TTC7B: variants seen among roughly 807,000 people sequenced by gnomAD.
The protein encoded by TTC7B is tetratricopeptide repeat domain 7B.
Under a neutral mutation model 106.8 loss-of-function variants are expected in TTC7B, and 28 were observed. The ratio of observed to expected loss-of-function variants is 0.26; its 90% CI spans 0.19 to 0.36. The LOEUF (loss-of-function observed/expected upper bound fraction) is 0.36, where lower values mean the gene tolerates loss of function less well. TTC7B is among the 10% of genes least tolerant of loss of function. The probability of loss-of-function intolerance (pLI) is 1.00; values close to 1 mark genes in which losing one functional copy is unlikely to be tolerated. For synonymous variants in TTC7B, 405 were observed against 430.6 expected (o/e 0.94, Z 0.74); for missense variants, 862 against 1,076.4 (o/e 0.80, Z 2.79).
chr14:90,562,175 G>A (rs539279500), intron 19 of TTC7B, among the ~76,000 whole-genome samples: 42 of 152,124 alleles, frequency 2.8e-4, no homozygotes, highest in Non-Finnish European at 4.4e-4. Context: ...GAAAAACCCC[G>A]GTCAGCCCAC....
intron 1 of TTC7B, among the ~76,000 whole-genome samples, chr14:90,815,212 G>A (rs1341417510): frequency 1.3e-5 from 2 of 152,204 alleles, no homozygotes; most frequent in African/African-American, 4.8e-5. Context: ...TGGCCACGGT[G>A]TGCTGGTGCC....
chr14:90,609,673 A>G (rs1244679265), intron 17 of TTC7B, among the ~76,000 whole-genome samples: 1 of 152,198 alleles, frequency 6.6e-6, no homozygotes, highest in African/African-American at 2.4e-5. Context: ...CCAGATAGAA[A>G]TTCAGTTGTA....
At position 90,635,741 on chromosome 14, in the gene TTC7B, CA is replaced by C. The variant is rs550163984; in HGVS notation, c.1751+8306del. ...CGCCACTGCACTCCAGCCTGGGCGA[CA>C]GAGTCAGACTCTGTCTCAAAAAAAA... On this transcript the variant is annotated intron_variant, in intron 15 of 19. Transcript: ENST00000328459. 1.9e-3 allele frequency among the ~76,000 whole-genome samples: 252 copies of C among 132,658 alleles called. 2 individuals are homozygous for C. Among genetic ancestry groups the C allele is most frequent in the African/African-American group, 6.6e-3 (234 of 35,544 alleles). 87.0% of individuals were successfully genotyped at this position (132,658 alleles called of 152,430 possible). A position where few individuals can be genotyped will look rare whatever the true frequency, so the allele number is the denominator to read the frequency against.
chr14:90,630,510 A>C (rs1333870810), intron 15 of TTC7B, among the ~76,000 whole-genome samples: 1 of 152,232 alleles, frequency 6.6e-6, no homozygotes, highest in Admixed American at 6.5e-5. Context: ...AAAATTTGCT[A>C]ATGAGCTATT....
chr14:90,719,660 G>C (rs1301062457), intron 5 of TTC7B, among the ~76,000 whole-genome samples: 1 of 152,184 alleles, frequency 6.6e-6, no homozygotes, highest in Non-Finnish European at 1.5e-5. Flanking sequence ...AGGGACTGCT[G>C]GGAGAACTCA....
chr14:90,722,390 A>C (rs754128257), intron 5 of TTC7B, among the ~76,000 whole-genome samples: 1 of 152,152 alleles, frequency 6.6e-6, no homozygotes, highest in Non-Finnish European at 1.5e-5. Flanking sequence ...TGGTGGCACT[A>C]GATTCCTGGT....
chr14:90,722,493 C>T (rs117224649), intron 5 of TTC7B, among the ~76,000 whole-genome samples: 331 of 152,296 alleles, frequency 2.2e-3, no homozygotes, highest in Admixed American at 5.8e-3. Flanking sequence ...ATTCCCTATT[C>T]CTTAGCCTGC....
chr14:90,596,962 C>T (rs1283918806), intron 17 of TTC7B, among the ~76,000 whole-genome samples: 1 of 152,152 alleles, frequency 6.6e-6, no homozygotes, highest in Non-Finnish European at 1.5e-5. Flanking sequence ...GAACATTCAC[C>T]CACTCAAAGG....
At chr14:90,543,276 T>C (rs1889680882) in intron 19 of TTC7B, among the ~76,000 whole-genome samples, 1 of 152,256 alleles carries the variant, frequency 6.6e-6, no homozygotes, top group Non-Finnish European at 1.5e-5. Flanking sequence ...CTGACACATG[T>C]TCAATTCCAT....
At chr14:90,765,900 A>C (rs1595358760) in intron 3 of TTC7B, among the ~76,000 whole-genome samples, 2 of 152,152 alleles carry the variant, frequency 1.3e-5, no homozygotes, top group African/African-American at 4.8e-5. Context: ...CACCAACAGA[A>C]GTGACATCCA....
intron 3 of TTC7B, among the ~76,000 whole-genome samples, chr14:90,764,505 A>T (rs1890608928): frequency 6.6e-6 from 1 of 152,174 alleles, no homozygotes; most frequent in Admixed American, 6.5e-5. Flanking sequence ...AAAGGACATC[A>T]CTTAGAAAGT....
chr14:90,794,420 G>A (rs561855785), intron 1 of TTC7B, among the ~76,000 whole-genome samples: 14 of 151,578 alleles, frequency 9.2e-5, no homozygotes, highest in African/African-American at 3.1e-4. Flanking sequence ...TAGAGATGGC[G>A]TTTCACCATG....
At chr14:90,792,659 T>C (rs538597789) in intron 1 of TTC7B, among the ~76,000 whole-genome samples, 1 of 152,154 alleles carries the variant, frequency 6.6e-6, no homozygotes, top group South Asian at 2.1e-4. Flanking sequence ...TTCCTCAGAA[T>C]TAGGAGACAC....
intron 3 of TTC7B, among the ~76,000 whole-genome samples, chr14:90,779,515 G>A (rs991615697): frequency 2.6e-5 from 4 of 152,170 alleles, no homozygotes; most frequent in Non-Finnish European, 5.9e-5. Flanking sequence ...ATGTTGGCCA[G>A]GCTGGTCTCG....
At chr14:90,593,165 C>T (rs1326288389) in intron 18 of TTC7B, among the ~76,000 whole-genome samples, 1 of 152,234 alleles carries the variant, frequency 6.6e-6, no homozygotes, top group Non-Finnish European at 1.5e-5. Context: ...CTCACAAAGA[C>T]AGTCTCTACA....
chr14:90,702,379 C>T (rs934294988), intron 5 of TTC7B, among the ~76,000 whole-genome samples: 1 of 152,132 alleles, frequency 6.6e-6, no homozygotes, highest in Non-Finnish European at 1.5e-5. Context: ...ACTGTACCCA[C>T]CTCACTGTCG....
At chr14:90,730,291 C>T in intron 4 of TTC7B, 95 bp from the exon 5 acceptor site, 24 of 1,437,342 alleles carry the variant, frequency 1.7e-5, no homozygotes, top group Non-Finnish European at 2.2e-5. Context: ...ACCTAAAAAA[C>T]CAACTTCCTC....
Position 90,694,711 on chromosome 14 carries a change from T to C in TTC7B, c.777+789A>G, listed in dbSNP as rs1353765584. On this transcript the variant is annotated intron_variant, in intron 6 of 19. Transcript: ENST00000328459. ...TTATTATAAAATATATTTTATTTTA[T>C]TATAAAATAGGTATATTTTATATAC... Among the ~76,000 whole-genome samples, 3 of 141,738 alleles carry C rather than the reference T, an allele frequency of 2.1e-5. No homozygotes were observed. In the Admixed American group the frequency reaches 2.1e-4, roughly 10 times the overall value. The allele number at this position is 141,738 out of a possible 152,430, so 93.0% of individuals were successfully genotyped here.
At chr14:90,660,417 A>AAAAAAAAAAAAAAAGAAAAG (rs1555386791) in intron 9 of TTC7B, among the ~76,000 whole-genome samples, 1 of 119,430 alleles carries the variant, frequency 8.4e-6, no homozygotes, top group African/African-American at 3.7e-5. Flanking sequence ...AAAAAAAAAA[A>AAAAAAAAAAAAAAAGAAAAG]AAAAGAAAAG....
Sources: allele counts gnomAD v4.1 joint callset (sites outside exome capture counted in the v4.1 genomes callset), GRCh38; gene constraint gnomAD v4.1.1; transcripts MANE v1.5; gene names NCBI Gene and HGNC (gene_info 2026-07-23, HGNC 2026-07-21).